CCDC3: variants seen among roughly 807,000 people sequenced by gnomAD.
CCDC3 encodes the protein coiled-coil domain containing 3.
Under a neutral mutation model 21.4 loss-of-function variants are expected in CCDC3, and 24 were observed. The ratio of observed to expected loss-of-function variants is 1.12; its 90% confidence interval spans 0.81 to 1.58. The LOEUF (loss-of-function observed/expected upper bound fraction) is 1.58, where lower values mean the gene tolerates loss of function less well. Among genes scored for constraint, CCDC3 ranks in the 40% most tolerant of loss-of-function variants. CCDC3 has a pLI of 0.00. For missense variants in CCDC3, 425 were observed against 360.9 expected (o/e 1.18, Z -1.44); for synonymous variants, 186 against 166.0 (o/e 1.12, Z -0.93).
At chr10:13,048,383 G>C (rs1046303221) in intron 5 of CCDC3, among the ~76,000 whole-genome samples, 8 of 151,898 alleles carry the variant, frequency 5.3e-5, no homozygotes, top group Non-Finnish European at 1.2e-4. Context: ...TACTAGAGAC[G>C]GGGTTTCACC....
At chr10:12,916,301 G>GGCA (rs904111495) in intron 2 of CCDC3, among the ~76,000 whole-genome samples, 3 of 152,054 alleles carry the variant, frequency 2.0e-5, no homozygotes, top group Non-Finnish European at 4.4e-5. Context: ...GCATGGTGGT[G>GGCA]CATGCCTGTA....
At chr10:12,992,721 G>A (rs762762380) in intron 2 of CCDC3, among the ~76,000 whole-genome samples, 18 of 152,090 alleles carry the variant, frequency 1.2e-4, no homozygotes, top group Non-Finnish European at 1.8e-4. Context: ...CTCACGAGAT[G>A]GGTGCACCAA....
intron 2 of CCDC3, chr10:12,924,820 T>C (rs944885051): frequency 2.0e-5 from 3 of 152,222 alleles, no homozygotes; most frequent in African/African-American, 7.2e-5. Flanking sequence ...TCTGTGTGTA[T>C]ATAAATGCTT....
At chr10:13,099,831 A>C (rs1564349413), upstream of CCDC3, 2 of 152,028 alleles carry the variant, frequency 1.3e-5, no homozygotes, top group African/African-American at 2.4e-5. Context: ...GCGGGAAGAC[A>C]CGGGGAAGAC....
intron 3 of CCDC3, among the ~76,000 whole-genome samples, chr10:13,089,025 A>G (rs968281536): frequency 4.6e-5 from 7 of 151,832 alleles, no homozygotes; most frequent in African/African-American, 1.7e-4. Context: ...AAAAAAAATA[A>G]AAGAAGAAAG....
At chr10:12,988,525 G>T (rs142627165) in intron 2 of CCDC3, among the ~76,000 whole-genome samples, 4,276 of 152,152 alleles carry the variant, frequency 0.028, 94 homozygotes, top group Non-Finnish European at 0.043. Flanking sequence ...TGTATTTTTA[G>T]TAGAGACAGA....
chr10:13,082,386 C>T (rs1837052841), intron 3 of CCDC3, among the ~76,000 whole-genome samples: 1 of 152,238 alleles, frequency 6.6e-6, no homozygotes, highest in African/African-American at 2.4e-5. Flanking sequence ...AGTACTTTCA[C>T]TAATTCTGCT....
At chr10:13,014,449 CAAAAAAAAGAA>C (rs1564320453) in intron 5 of CCDC3, among the ~76,000 whole-genome samples, 2 of 36,344 alleles carry the variant, frequency 5.5e-5, no homozygotes, top group Non-Finnish European at 1.3e-4. Flanking sequence ...GACTCTGTCT[CAAAAAAAAGAA>C]AAAAAAAAAA....
chr10:13,004,714 G>C, upstream of CCDC3, among the ~76,000 whole-genome samples: 1 of 152,018 alleles, frequency 6.6e-6, no homozygotes, highest in Non-Finnish European at 1.5e-5. Flanking sequence ...AGTAGTGTTA[G>C]CTAGGCCAGC....
intron 4 of CCDC3, chr10:13,057,804 C>G: frequency 3.7e-6 from 1 of 271,580 alleles, no homozygotes; most frequent in Non-Finnish European, 7.1e-6. Flanking sequence ...CACTTGAACC[C>G]AGGGAGGCGG....
chr10:13,009,015 C>T (rs573526978), intron 5 of CCDC3, among the ~76,000 whole-genome samples: 1 of 152,262 alleles, frequency 6.6e-6, no homozygotes, highest in African/African-American at 2.4e-5. Flanking sequence ...ACATGATCAT[C>T]TGTCTAGAAA....
chr10:13,072,365 C>G (rs1187186050), intron 4 of CCDC3, among the ~76,000 whole-genome samples: 1 of 141,002 alleles, frequency 7.1e-6, no homozygotes, highest in Non-Finnish European at 1.6e-5. Context: ...TTATCCTTAC[C>G]TTATTCTAAC....
intron 2 of CCDC3, among the ~76,000 whole-genome samples, chr10:12,987,220 C>T (rs929261197): frequency 2.0e-5 from 3 of 152,190 alleles, no homozygotes; most frequent in Non-Finnish European, 4.4e-5. Context: ...ACCCATCTTT[C>T]ATGTGGGTTA....
chr10:12,943,879 TC>T (rs1478777955), intron 2 of CCDC3, among the ~76,000 whole-genome samples: 1 of 152,164 alleles, frequency 6.6e-6, no homozygotes, highest in African/African-American at 2.4e-5. Flanking sequence ...TGTGTCCACA[TC>T]CTTGATTTCC....
intron 2 of CCDC3, among the ~76,000 whole-genome samples, chr10:12,903,099 A>G (rs1170174883): frequency 6.6e-6 from 1 of 152,214 alleles, no homozygotes; most frequent in Non-Finnish European, 1.5e-5. Context: ...CGTATCCAAG[A>G]CAACCAACAT....
chr10:13,070,032 A>G (rs1464735251), intron 4 of CCDC3, among the ~76,000 whole-genome samples: 1 of 152,232 alleles, frequency 6.6e-6, no homozygotes. Flanking sequence ...ACTCATGAAA[A>G]GATGAAATGT....
chr10:13,037,838 C>T (rs1245061638), intron 5 of CCDC3, among the ~76,000 whole-genome samples: 1 of 152,132 alleles, frequency 6.6e-6, no homozygotes, highest in Non-Finnish European at 1.5e-5. Context: ...ATCCTTTGAT[C>T]TTGTAGGCAC....
intron 2 of CCDC3, among the ~76,000 whole-genome samples, chr10:12,932,833 C>T (rs1834669461): frequency 6.6e-6 from 1 of 152,104 alleles, no homozygotes; most frequent in Non-Finnish European, 1.5e-5. Context: ...TGAGACAGTT[C>T]CCCTCTACTC....
intron 2 of CCDC3, among the ~76,000 whole-genome samples, chr10:12,994,269 G>A (rs7075314): frequency 1.3e-5 from 2 of 151,950 alleles, no homozygotes; most frequent in African/African-American, 4.8e-5. Flanking sequence ...ATGGTGGTGG[G>A]TGCCTGTAAT....
Sources: allele counts gnomAD v4.1 joint callset (sites outside exome capture counted in the v4.1 genomes callset), GRCh38; gene constraint gnomAD v4.1.1; transcripts MANE v1.5; gene names NCBI Gene and HGNC (gene_info 2026-07-23, HGNC 2026-07-21).